The following FAM81A variants were observed in gnomAD, a reference collection of about 807,000 sequenced individuals.
FAM81A encodes family with sequence similarity 81 member A, also known as protein FAM81A.
Under a neutral mutation model 46.7 loss-of-function variants are expected in FAM81A, and 19 were observed. The observed-to-expected ratio is 0.41, with a 90% CI of 0.28 to 0.60. FAM81A has a LOEUF of 0.60. Ranked by LOEUF, FAM81A falls within the 20% of genes least tolerant of loss-of-function variation. The probability of loss-of-function intolerance (pLI) is 0.34; values close to 1 mark genes in which losing one functional copy is unlikely to be tolerated. For missense variants in FAM81A, 377 were observed against 453.5 expected (o/e 0.83, Z 1.53); for synonymous variants, 183 against 152.9 (o/e 1.20, Z -1.45).
intron 3 of FAM81A, among the ~76,000 whole-genome samples, chr15:59,473,886 A>G (rs1343099051): frequency 2.6e-5 from 4 of 152,180 alleles, no homozygotes; most frequent in Non-Finnish European, 5.9e-5. Flanking sequence ...TATGTTGCCC[A>G]GGCTGGTCTT....
rs184200068 is a variant in FAM81A at position 59,448,960 on chromosome 15, C to T, written c.-77-9590C>T. On this transcript the variant is annotated intron_variant, in intron 1 of 8. Coordinates refer to ENST00000288228, the MANE Select transcript of FAM81A (RefSeq NM_152450.3). ...GATTACAGACATGTAATCCATCATGCCTGGCCAGCTATTGATATTCTTTTG... is the reference window on the plus strand; with the variant it reads ...GATTACAGACATGTAATCCATCATGTCTGGCCAGCTATTGATATTCTTTTG... Among the ~76,000 whole-genome samples, 136 of 152,298 alleles carry T rather than the reference C, an allele frequency of 8.9e-4. 1 individual carries two copies. The highest frequency in any genetic ancestry group is 6.3e-4 in the Non-Finnish European group (43 of 68,036).
intron 1 of FAM81A, among the ~76,000 whole-genome samples, chr15:59,454,509 C>T (rs1460674157): frequency 6.6e-6 from 1 of 152,206 alleles, no homozygotes; most frequent in African/African-American, 2.4e-5. Flanking sequence ...TCTCCCTTCA[C>T]AGAATCCTCA....
chr15:59,498,864 A>T (rs868749487), intron 4 of FAM81A, among the ~76,000 whole-genome samples: 3 of 152,338 alleles, frequency 2.0e-5, no homozygotes, highest in Middle Eastern at 3.4e-3. Flanking sequence ...CATATTGGCC[A>T]GGCTGGTCTC....
intron 4 of FAM81A, among the ~76,000 whole-genome samples, chr15:59,497,901 A>G (rs1264211394): frequency 6.6e-6 from 1 of 152,224 alleles, no homozygotes; most frequent in African/African-American, 2.4e-5. Flanking sequence ...TTTGTTGCCC[A>G]CACTGGAGTG....
chr15:59,451,393 C>A (rs1171153045), intron 1 of FAM81A, among the ~76,000 whole-genome samples: 1 of 152,064 alleles, frequency 6.6e-6, no homozygotes, highest in Non-Finnish European at 1.5e-5. Flanking sequence ...TAATGCATCC[C>A]CCTCTATTAT....
chr15:59,516,379 C>G (rs1280588167), intron 7 of FAM81A, among the ~76,000 whole-genome samples: 2 of 152,170 alleles, frequency 1.3e-5, no homozygotes, highest in Non-Finnish European at 2.9e-5. Context: ...ATCTGCCTGC[C>G]TCGGCCTCCC....
intron 2 of FAM81A, among the ~76,000 whole-genome samples, chr15:59,409,400 G>A (rs913173837): frequency 6.6e-6 from 1 of 152,142 alleles, no homozygotes; most frequent in African/African-American, 2.4e-5. Context: ...CTTCCATCCA[G>A]AGAGAAAACA....
chr15:59,452,989 C>T (rs957081422), intron 1 of FAM81A, among the ~76,000 whole-genome samples: 38 of 152,206 alleles, frequency 2.5e-4, no homozygotes, highest in African/African-American at 9.2e-4. Flanking sequence ...TCTTGAACTC[C>T]TGGGCTCAAG....
upstream of FAM81A, among the ~76,000 whole-genome samples, chr15:59,437,615 G>A (rs144444858): frequency 7.2e-4 from 109 of 152,316 alleles, no homozygotes; most frequent in African/African-American, 2.5e-3. Context: ...TTCAGTAAAT[G>A]ACACATGGCA....
intron 8 of FAM81A, among the ~76,000 whole-genome samples, chr15:59,518,436 ACCT>A (rs772113799): frequency 9.7e-4 from 147 of 151,564 alleles, no homozygotes; most frequent in Non-Finnish European, 1.8e-3. Context: ...CCCTGCCTCG[ACCT>A]CCTGAGCAGC....
intron 8 of FAM81A, among the ~76,000 whole-genome samples, 168 bp downstream of exon 8, chr15:59,517,008 G>T (rs1176217728): frequency 6.6e-6 from 1 of 152,152 alleles, no homozygotes; most frequent in Non-Finnish European, 1.5e-5. Flanking sequence ...TAGCTACAAT[G>T]CTGTTTGAAT....
Position 59,461,437 on chromosome 15 carries a change from A to G in FAM81A, c.294+1231A>G, listed in dbSNP as rs138542491. Among the ~76,000 whole-genome samples, 1,437 of 152,150 alleles carry G rather than the reference A, an allele frequency of 9.4e-3. 24 individuals carry two copies. The highest frequency in any genetic ancestry group is 0.032 in the African/African-American group (1,321 of 41,508). ...AGTAGCTGGGACTACAGGTGTGCAC[A>G]ATCATGCCCAGCTAATTTTTGTATT... On this transcript the variant is annotated intron_variant, in intron 3 of 8. Coordinates refer to ENST00000288228, the MANE Select transcript of FAM81A (RefSeq NM_152450.3).
chr15:59,410,657 G>A (rs960026), intron 2 of FAM81A, among the ~76,000 whole-genome samples: 1 of 152,376 alleles, frequency 6.6e-6, no homozygotes, highest in African/African-American at 2.4e-5. Context: ...CATCCTGTGT[G>A]TGAAAGAAAG....
intron 3 of FAM81A, among the ~76,000 whole-genome samples, chr15:59,462,039 TA>T (rs1357117841): frequency 1.3e-5 from 2 of 151,864 alleles, no homozygotes; most frequent in Non-Finnish European, 2.9e-5. Flanking sequence ...CCATCTCTAC[TA>T]AAAACACAAA....
At chr15:59,471,343 A>G (rs1409565438) in intron 3 of FAM81A, among the ~76,000 whole-genome samples, 2 of 152,156 alleles carry the variant, frequency 1.3e-5, no homozygotes, top group African/African-American at 2.4e-5. Flanking sequence ...TACCTGATGC[A>G]TTGACCCTTT....
chr15:59,507,078 T>C, intron 4 of FAM81A, 135 bp from the exon 5 acceptor site: 3 of 1,182,858 alleles, frequency 2.5e-6, no homozygotes, highest in South Asian at 1.6e-5. Context: ...TGGAATTCAT[T>C]TGAACCTCTG....
intron 2 of FAM81A, chr15:59,408,100 C>T (rs74017780): frequency 0.037 from 5,976 of 161,890 alleles, 230 homozygotes; most frequent in African/African-American, 0.096. Context: ...TGCTTCTTCG[C>T]GACAGCAGCA....
chr15:59,501,182 T>C (rs549610015), intron 4 of FAM81A, among the ~76,000 whole-genome samples: 11 of 152,306 alleles, frequency 7.2e-5, no homozygotes, highest in African/African-American at 2.6e-4. Context: ...GTGATGTCTG[T>C]TTATCCTGTA....
At chr15:59,508,305 A>T (rs1450526257) in intron 5 of FAM81A, among the ~76,000 whole-genome samples, 1 of 152,188 alleles carries the variant, frequency 6.6e-6, no homozygotes, top group Non-Finnish European at 1.5e-5. Flanking sequence ...AGGAACATGG[A>T]ACATTCTAAT....
Sources: gnomAD v4.1 joint callset for allele counts (sites outside exome capture counted in the v4.1 genomes callset) on GRCh38, gnomAD v4.1.1 for gene constraint, MANE v1.5 for transcripts, NCBI Gene and HGNC (gene_info 2026-07-23, HGNC 2026-07-21) for gene names.